Variants in NRXN1 observed in about 807,000 individuals in gnomAD.
The protein encoded by NRXN1 is neurexin 1.
NRXN1 carries 39 observed loss-of-function variants against 150.9 expected under a neutral mutation model. The observed-to-expected ratio is 0.26, with a 90% CI of 0.20 to 0.34. NRXN1 has a LOEUF of 0.34. NRXN1 is among the 10% of genes least tolerant of loss of function. NRXN1 has a pLI of 1.00. For synonymous variants in NRXN1, 924 were observed against 757.0 expected (o/e 1.22, Z -3.62); for missense variants, 1,815 against 1,949.9 (o/e 0.93, Z 1.30).
intron 2 of NRXN1, among the ~76,000 whole-genome samples, chr2:51,000,059 T>C (rs1440716630): frequency 6.6e-6 from 1 of 152,050 alleles, no homozygotes; most frequent in Non-Finnish European, 1.5e-5. Flanking sequence ...ACCGTGCCCA[T>C]CTATCTCTCA....
chr2:50,584,522 T>C (rs1672786762), intron 8 of NRXN1, among the ~76,000 whole-genome samples: 1 of 152,172 alleles, frequency 6.6e-6, no homozygotes, highest in African/African-American at 2.4e-5. Flanking sequence ...TTATTTACAC[T>C]CCCTTTCTGA....
intron 8 of NRXN1, among the ~76,000 whole-genome samples, chr2:50,608,538 C>A (rs1182832037): frequency 9.0e-6 from 1 of 111,556 alleles, no homozygotes; most frequent in African/African-American, 3.0e-5. Flanking sequence ...GTTACATGTC[C>A]TTGTTTAAAA....
intron 12 of NRXN1, among the ~76,000 whole-genome samples, chr2:50,507,850 T>C (rs578228056): frequency 1.1e-3 from 168 of 152,032 alleles, no homozygotes; most frequent in Non-Finnish European, 1.8e-3. Flanking sequence ...ATTATATCAT[T>C]GAGTTTCATG....
chr2:50,964,646 T>C (rs1419334729), intron 2 of NRXN1, among the ~76,000 whole-genome samples: 4 of 151,490 alleles, frequency 2.6e-5, no homozygotes, highest in Non-Finnish European at 5.9e-5. Context: ...TACAATTCAT[T>C]ACACATGAAT....
At chr2:50,645,606 G>C (rs188092817) in intron 5 of NRXN1, among the ~76,000 whole-genome samples, 2 of 152,056 alleles carry the variant, frequency 1.3e-5, no homozygotes, top group Admixed American at 1.3e-4. Flanking sequence ...TGCCTGTCAT[G>C]TACTAAGCAT....
At chr2:50,946,572 T>C (rs1216051007) in intron 2 of NRXN1, among the ~76,000 whole-genome samples, 1 of 152,148 alleles carries the variant, frequency 6.6e-6, no homozygotes, top group East Asian at 1.9e-4. Flanking sequence ...TTTAACCACA[T>C]AAGAGCAAAA....
chr2:50,580,159 T>C (rs1672035590), intron 8 of NRXN1, among the ~76,000 whole-genome samples: 1 of 152,260 alleles, frequency 6.6e-6, no homozygotes, highest in South Asian at 2.1e-4. Context: ...CTGAAGAAAA[T>C]GCACACCCAT....
At chr2:51,020,723 T>A (rs140875563) in intron 2 of NRXN1, among the ~76,000 whole-genome samples, 2 of 152,026 alleles carry the variant, frequency 1.3e-5, no homozygotes, top group East Asian at 3.9e-4. Flanking sequence ...AAACAGAACA[T>A]TGATGGTGTT....
At chr2:50,571,869 A>G (rs570555841) in intron 8 of NRXN1, among the ~76,000 whole-genome samples, 1 of 152,298 alleles carries the variant, frequency 6.6e-6, no homozygotes, top group South Asian at 2.1e-4. Context: ...CCTCCCCAAC[A>G]GAGCTGAACC....
intron 17 of NRXN1, among the ~76,000 whole-genome samples, chr2:50,276,983 A>G (rs2152927972): frequency 6.6e-6 from 1 of 152,262 alleles, no homozygotes; most frequent in South Asian, 2.1e-4. Context: ...AGCATCATGG[A>G]TTTGATATTT....
intron 17 of NRXN1, among the ~76,000 whole-genome samples, chr2:50,304,180 A>G (rs2074409731): frequency 6.6e-6 from 1 of 152,178 alleles, no homozygotes; most frequent in African/African-American, 2.4e-5. Flanking sequence ...TTGGTTATCT[A>G]TTCTGGGCAC....
intron 13 of NRXN1, among the ~76,000 whole-genome samples, chr2:50,501,236 C>T (rs1303883538): frequency 1.3e-5 from 2 of 152,072 alleles, no homozygotes; most frequent in African/African-American, 4.8e-5. Context: ...CAAACAGCTA[C>T]AGAGCATGGC....
chr2:50,974,546 C>G (rs1040595993), intron 2 of NRXN1, among the ~76,000 whole-genome samples: 1 of 152,076 alleles, frequency 6.6e-6, no homozygotes, highest in Non-Finnish European at 1.5e-5. Context: ...TTTCTTCACT[C>G]TAAACAGTCA....
intron 18 of NRXN1, among the ~76,000 whole-genome samples, chr2:50,116,659 C>G (rs1299954425): frequency 1.3e-5 from 2 of 151,908 alleles, no homozygotes; most frequent in African/African-American, 2.4e-5. Flanking sequence ...CTACCTCTTC[C>G]CCACATCTCT....
intron 18 of NRXN1, among the ~76,000 whole-genome samples, chr2:50,122,685 T>C (rs1266834011): frequency 6.6e-6 from 1 of 152,234 alleles, no homozygotes; most frequent in Non-Finnish European, 1.5e-5. Context: ...CTCCCAGAGG[T>C]AGCATCCATT....
At chr2:50,857,559 G>T (rs573988749) in intron 5 of NRXN1, among the ~76,000 whole-genome samples, 2 of 152,068 alleles carry the variant, frequency 1.3e-5, no homozygotes, top group South Asian at 4.1e-4. Flanking sequence ...CTAGGTTTTC[G>T]AAGTATATAC....
chr2:50,803,801 T>C (rs1574530220), intron 5 of NRXN1, among the ~76,000 whole-genome samples: 2 of 152,286 alleles, frequency 1.3e-5, no homozygotes, highest in South Asian at 2.1e-4. Flanking sequence ...ATTTCTTTTC[T>C]ATGCTTAAGA....
chr2:50,137,307 T>G (rs1706571059), intron 18 of NRXN1, among the ~76,000 whole-genome samples: 2 of 152,300 alleles, frequency 1.3e-5, no homozygotes, highest in East Asian at 3.9e-4. Flanking sequence ...ACCAAGCGCA[T>G]ACTCTTAGTT....
chr2:50,432,120 T>C (rs954416972), intron 17 of NRXN1, among the ~76,000 whole-genome samples: 3 of 152,282 alleles, frequency 2.0e-5, no homozygotes, highest in Admixed American at 6.5e-5. Flanking sequence ...AGGGAGTGAA[T>C]ACCTATGCTC....
Sources: gnomAD v4.1 joint callset for allele counts (sites outside exome capture counted in the v4.1 genomes callset) on GRCh38, gnomAD v4.1.1 for gene constraint, MANE v1.5 for transcripts, NCBI Gene and HGNC (gene_info 2026-07-23, HGNC 2026-07-21) for gene names.